Variants in MEGF6 observed in about 807,000 individuals in gnomAD.
The protein encoded by MEGF6 is multiple EGF like domains 6.
MEGF6 carries 184 observed loss-of-function variants against 207.1 expected under a neutral mutation model. The ratio of observed to expected loss-of-function variants is 0.89; its 90% confidence interval spans 0.79 to 1.00. The LOEUF is 1.00. MEGF6 is among the 50% of genes least tolerant of loss of function. MEGF6 has a pLI of 0.00. For missense variants in MEGF6, 2,282 were observed against 2,202.9 expected (o/e 1.04, Z -0.72); for synonymous variants, 1,038 against 910.0 (o/e 1.14, Z -2.53).
At chr1:3,545,100 C>T (rs941681019) in intron 4 of MEGF6, among the ~76,000 whole-genome samples, 40 of 152,272 alleles carry the variant, frequency 2.6e-4, no homozygotes, top group African/African-American at 8.9e-4. Flanking sequence ...GCCCCCACCC[C>T]ATCAGTTACA....
At chr1:3,597,422 C>A (rs1344323286) in intron 2 of MEGF6, among the ~76,000 whole-genome samples, 1 of 152,226 alleles carries the variant, frequency 6.6e-6, no homozygotes, top group Non-Finnish European at 1.5e-5. Flanking sequence ...TGCCACCTGC[C>A]CACCCTGACG....
chr1:3,536,444 G>A (rs547046632), intron 4 of MEGF6, among the ~76,000 whole-genome samples: 1 of 152,272 alleles, frequency 6.6e-6, no homozygotes, highest in South Asian at 2.1e-4. Context: ...GGGTGCGGAG[G>A]GCTCTGGGCC....
chr1:3,493,101 G>T (rs1362900708), intron 34 of MEGF6: 2 of 349,832 alleles, frequency 5.7e-6, no homozygotes, highest in Non-Finnish European at 1.1e-5. Context: ...GGCACAACAG[G>T]CCTGAGAGCC....
upstream of MEGF6, among the ~76,000 whole-genome samples, chr1:3,611,881 C>G (rs868764718): frequency 6.6e-6 from 1 of 151,954 alleles, no homozygotes; most frequent in Non-Finnish European, 1.5e-5. Context: ...CAGGAGGGGC[C>G]GGGCGCCAGG....
At position 3,496,095 on chromosome 1, in the gene MEGF6, C is replaced by T. The variant is rs1640593210; in HGVS notation, c.3743-77G>A. On this transcript the variant is annotated intron_variant, in intron 29 of 36. Transcript: ENST00000356575. ...GGTCAACCCCGGAGTGGGGATAGGA[C>T]AGGATGGGATGGGGTGAGGGGACCC... The T allele has an allele frequency of 2.8e-6, 4 of 1,441,672 alleles. No individual in the cohort carries two copies. The Admixed American group carries it at 1.1e-4, about 38-fold the overall frequency. 89.3% of individuals were successfully genotyped at this position (1,441,672 alleles called of 1,614,324 possible). A position where few individuals can be genotyped will look rare whatever the true frequency, so the allele number is the denominator to read the frequency against.
upstream of MEGF6, among the ~76,000 whole-genome samples, chr1:3,612,305 A>G (rs1387108687): frequency 1.3e-5 from 2 of 152,160 alleles, no homozygotes; most frequent in East Asian, 3.9e-4. Flanking sequence ...GCACAGAGGC[A>G]CTGTCTAGGG....
rs1641479696 is a variant in MEGF6, at chr1:3,514,758, C to T, written c.731-86G>A. 2.9e-6 allele frequency: 4 copies of T among 1,394,430 alleles called. No individual in the cohort carries two copies. In the East Asian group the frequency reaches 1.0e-4, roughly 35 times the overall value. 86.4% of individuals were successfully genotyped at this position (1,394,430 alleles called of 1,614,324 possible). On this transcript the variant is annotated intron_variant, in intron 6 of 36. Coordinates refer to ENST00000356575, the MANE Select transcript of MEGF6 (RefSeq NM_001409.4). ...CTGCCCCCAGGCTTCTTGTGAGACCCCTCACCCAGTGCTCTCCCCACTCTG... is the reference window on the plus strand; with the variant it reads ...CTGCCCCCAGGCTTCTTGTGAGACCTCTCACCCAGTGCTCTCCCCACTCTG...
chr1:3,557,336 A>C (rs1643065190), intron 4 of MEGF6, among the ~76,000 whole-genome samples: 1 of 152,198 alleles, frequency 6.6e-6, no homozygotes, highest in Admixed American at 6.5e-5. Context: ...TACCATGAAA[A>C]ACAAACAGAA....
intron 3 of MEGF6, among the ~76,000 whole-genome samples, chr1:3,590,730 C>T (rs1450795112): frequency 1.3e-5 from 2 of 151,402 alleles, no homozygotes; most frequent in Admixed American, 6.6e-5. Context: ...CCTGTCCCTC[C>T]CCTGCCAGCA....
chr1:3,587,853 GGGCCAGGAGGGGACAGGAGT>G (rs1207726679), intron 3 of MEGF6, among the ~76,000 whole-genome samples: 5 of 137,442 alleles, frequency 3.6e-5, no homozygotes, highest in Non-Finnish European at 8.0e-5. Flanking sequence ...GGGACAGGAG[GGGCCAGGAGGGGACAGGAGT>G]GGCCAGGAGT....
chr1:3,566,500 C>T lies in MEGF6; in HGVS notation c.481+13325G>A, dbSNP rs537599487. 1.4e-4 allele frequency among the ~76,000 whole-genome samples: 21 copies of T among 152,318 alleles called. No homozygotes were observed. The South Asian group carries it at 2.1e-3, about 15-fold the overall frequency. On this transcript the variant is annotated intron_variant, in intron 4 of 36. Coordinates refer to ENST00000356575, the MANE Select transcript of MEGF6 (RefSeq NM_001409.4). ...GCCAAGAACCGAGCTGTTCACAGGC[C>T]GCTCTGGAAGACCTGGGTGTTCCCT... is the stretch of plus-strand genomic sequence containing the variant.
intron 4 of MEGF6, among the ~76,000 whole-genome samples, chr1:3,563,212 A>G (rs552629065): frequency 3.9e-5 from 6 of 152,188 alleles, no homozygotes; most frequent in Non-Finnish European, 2.9e-5. Context: ...CACCTGCCCA[A>G]ACCTTCATCA....
chr1:3,574,358 C>T (rs556819574), intron 4 of MEGF6, among the ~76,000 whole-genome samples: 228 of 152,270 alleles, frequency 1.5e-3, no homozygotes, highest in African/African-American at 5.2e-3. Flanking sequence ...CTCCTCTGCT[C>T]CTGTCTCTGT....
At chr1:3,597,797 A>C (rs2995006) in intron 2 of MEGF6, among the ~76,000 whole-genome samples, 3 of 152,108 alleles carry the variant, frequency 2.0e-5, no homozygotes, top group African/African-American at 7.2e-5. Flanking sequence ...CCGGCCTCTG[A>C]AGCTGGGAGA....
chr1:3,558,056 C>T (rs1051014785), intron 4 of MEGF6, among the ~76,000 whole-genome samples: 2 of 152,172 alleles, frequency 1.3e-5, no homozygotes, highest in African/African-American at 2.4e-5. Flanking sequence ...GTGGTTCAGC[C>T]GGGCCGGTGG....
intron 5 of MEGF6, among the ~76,000 whole-genome samples, chr1:3,515,889 C>G (rs1022430153): frequency 6.6e-6 from 1 of 152,202 alleles, no homozygotes; most frequent in Non-Finnish European, 1.5e-5. Flanking sequence ...AAGCTGCAAG[C>G]GAGGGCTCAG....
At chr1:3,535,451 C>G (rs1642297048) in intron 4 of MEGF6, among the ~76,000 whole-genome samples, 1 of 151,946 alleles carries the variant, frequency 6.6e-6, no homozygotes, top group African/African-American at 2.4e-5. Flanking sequence ...GAAGGCTGCC[C>G]CTCTCCAGAA....
chr1:3,498,358 C>G lies in MEGF6; in HGVS notation c.3352+13G>C. 2 of 1,597,786 alleles carry G rather than the reference C, an allele frequency of 1.3e-6. No homozygotes were observed. ...AGGGCCTGCAGACCCCCCTGCTGCC[C>G]CGCCCCACTCACGGCTCTGACACTT... On this transcript the variant is annotated intron_variant, in intron 26 of 36. Transcript: ENST00000356575.
chr1:3,567,971 C>T (rs1373326209), intron 4 of MEGF6, among the ~76,000 whole-genome samples: 1 of 152,034 alleles, frequency 6.6e-6, no homozygotes, highest in Non-Finnish European at 1.5e-5. Context: ...TCCCAAGGGT[C>T]TCACAGGCAC....
Sources: gnomAD v4.1 joint callset for allele counts (sites outside exome capture counted in the v4.1 genomes callset) on GRCh38, gnomAD v4.1.1 for gene constraint, MANE v1.5 for transcripts, NCBI Gene and HGNC (gene_info 2026-07-23, HGNC 2026-07-21) for gene names.